The following CADM2 variants were observed in gnomAD, a reference collection of about 807,000 sequenced individuals.
CADM2 encodes immunoglobulin superfamily member 4D.
CADM2 carries 12 observed loss-of-function variants against 49.8 expected under a neutral mutation model. The ratio of observed to expected loss-of-function variants is 0.24; its 90% CI spans 0.15 to 0.39. The LOEUF (loss-of-function observed/expected upper bound fraction) is 0.39, where lower values mean the gene tolerates loss of function less well. Ranked by LOEUF, CADM2 falls within the 10% of genes least tolerant of loss-of-function variation. CADM2 has a pLI of 1.00. For synonymous variants in CADM2, 214 were observed against 175.4 expected, an observed-to-expected ratio of 1.22 and a Z score of -1.74; for missense variants, 378 against 492.3, an observed-to-expected ratio of 0.77 and a Z score of 2.20.
rs1739504817 is a variant in CADM2, at chr3:86,067,916, G to A, written c.*1133G>A. ...TGGAAGCACAATGTTATAAGGAAAG[G>A]TAATTTTAAGCTAACAACCAGTGCA... On this transcript the variant is annotated 3_prime_UTR_variant, in exon 10 of 10. Transcript: ENST00000383699. 1 of 152,384 alleles carries A rather than the reference G, an allele frequency of 6.6e-6. No individual in the cohort carries two copies. Among genetic ancestry groups the A allele is most frequent in the South Asian group, 2.1e-4 (1 of 4,834 alleles). 9.4% of individuals were successfully genotyped at this position (152,384 alleles called of 1,614,324 possible). A position where few individuals can be genotyped will look rare whatever the true frequency, so the allele number is the denominator to read the frequency against.
intron 1 of CADM2, among the ~76,000 whole-genome samples, chr3:85,469,346 G>A (rs1322052853): frequency 6.6e-6 from 1 of 152,148 alleles, no homozygotes; most frequent in Non-Finnish European, 1.5e-5. Context: ...AGTAATGCAA[G>A]GGAGCTGGAG....
At chr3:85,257,726 G>T (rs2042921514) in intron 1 of CADM2, among the ~76,000 whole-genome samples, 1 of 152,024 alleles carries the variant, frequency 6.6e-6, no homozygotes, top group Admixed American at 6.6e-5. Context: ...TTCTTCACTG[G>T]TGATATCTCA....
At chr3:85,751,166 G>A (rs1206992404) in intron 2 of CADM2, among the ~76,000 whole-genome samples, 2 of 152,002 alleles carry the variant, frequency 1.3e-5, no homozygotes, top group African/African-American at 4.8e-5. Context: ...GGGCAATGGT[G>A]GTGGAGGTGA....
intron 2 of CADM2, among the ~76,000 whole-genome samples, chr3:85,763,274 C>T (rs2069486085): frequency 6.6e-6 from 1 of 152,124 alleles, no homozygotes; most frequent in African/African-American, 2.4e-5. Flanking sequence ...TATTTGGTAT[C>T]CCATGCTAAC....
In CADM2 at chr3:85,820,668, A is replaced by T. The variant is rs189679756; in HGVS notation, c.238+18472A>T. On this transcript the variant is annotated intron_variant, in intron 3 of 9. Transcript: ENST00000383699. ...GGGAAGGTTTGGATTTGTCCTTTTG[A>T]GCTTATTAAACATACAAGAGGAGAT... Among the ~76,000 whole-genome samples, 1,021 of 152,210 alleles carry T rather than the reference A, an allele frequency of 6.7e-3. 7 individuals carry two copies. Among genetic ancestry groups the T allele is most frequent in the Middle Eastern group, 0.027 (8 of 294 alleles).
chr3:85,896,838 G>C (rs1175813811), intron 5 of CADM2, among the ~76,000 whole-genome samples: 1 of 152,160 alleles, frequency 6.6e-6, no homozygotes, highest in Non-Finnish European at 1.5e-5. Flanking sequence ...ATTTCTGAAT[G>C]CTGTGCTTCT....
At chr3:85,099,077 G>A (rs981171539) in intron 1 of CADM2, among the ~76,000 whole-genome samples, 1 of 152,110 alleles carries the variant, frequency 6.6e-6, no homozygotes, top group Non-Finnish European at 1.5e-5. Context: ...ATAGAACAGA[G>A]AATGTATACA....
intron 1 of CADM2, among the ~76,000 whole-genome samples, chr3:85,394,200 C>A (rs1471016310): frequency 2.6e-5 from 4 of 152,084 alleles, no homozygotes; most frequent in South Asian, 2.1e-4. Context: ...CTCGGTTATT[C>A]TTTTATAGTT....
intron 2 of CADM2, among the ~76,000 whole-genome samples, chr3:85,744,518 AT>A (rs960910017): frequency 3.3e-4 from 50 of 151,718 alleles, no homozygotes; most frequent in Non-Finnish European, 5.1e-4. Context: ...AAATAAAAAA[AT>A]ATAAAGATAA....
intron 1 of CADM2, among the ~76,000 whole-genome samples, chr3:85,668,426 G>C (rs1306385917): frequency 6.6e-6 from 1 of 151,708 alleles, no homozygotes. Flanking sequence ...GTTTATGATT[G>C]ATATGGTTTG....
At chr3:85,979,729 G>C (rs1727242795) in intron 8 of CADM2, among the ~76,000 whole-genome samples, 1 of 151,456 alleles carries the variant, frequency 6.6e-6, no homozygotes, top group Non-Finnish European at 1.5e-5. Context: ...TTCTAAAATT[G>C]ACATAGTCCA....
intron 3 of CADM2, among the ~76,000 whole-genome samples, chr3:85,862,140 A>G (rs1481779428): frequency 6.6e-6 from 1 of 152,060 alleles, no homozygotes; most frequent in African/African-American, 2.4e-5. Flanking sequence ...TATTCTCAAA[A>G]CTTTCTTTAG....
intron 1 of CADM2, among the ~76,000 whole-genome samples, chr3:85,229,817 T>A (rs578103804): frequency 3.7e-4 from 57 of 152,306 alleles, no homozygotes; most frequent in African/African-American, 1.3e-3. Context: ...TTCATAGCCT[T>A]TCTTGGCTCC....
intron 8 of CADM2, chr3:85,994,576 G>A (rs1200772932): frequency 6.6e-6 from 1 of 152,150 alleles, no homozygotes; most frequent in African/African-American, 2.4e-5. Flanking sequence ...CTTTCAGCAT[G>A]CCTTCCTCAC....
chr3:85,489,423 A>AC lies in CADM2; in HGVS notation c.62-237098dup, dbSNP rs1312996084. On this transcript the variant is annotated intron_variant, in intron 1 of 9. Coordinates refer to ENST00000383699, the MANE Select transcript of CADM2 (RefSeq NM_001167675.2). The stretch of plus-strand genomic sequence containing the variant: ...TTCTGTAAATATATGGTAAGGTATT[A>AC]CAAGTTTTCATTTAATATATTTATA... Among the ~76,000 whole-genome samples, 9 of 152,298 alleles carry AC rather than the reference A, an allele frequency of 5.9e-5. No individual in the cohort carries two copies. In the East Asian group the frequency reaches 1.7e-3, roughly 29 times the overall value.
rs1259783723 is a variant in CADM2 at position 85,545,875 on chromosome 3, TCA to T, written c.62-180646_62-180645del. ...ACCAGAACTTCTGCTTTATATGATC[TCA>T]GTTTACCAGAGATCTAAATTTTGGT... On this transcript the variant is annotated intron_variant, in intron 1 of 9. Coordinates refer to ENST00000383699, the MANE Select transcript of CADM2 (RefSeq NM_001167675.2). Among the ~76,000 whole-genome samples, 3 of 152,300 alleles carry T rather than the reference TCA, an allele frequency of 2.0e-5. No individual in the cohort carries two copies. The South Asian group carries it at 6.2e-4, about 32-fold the overall frequency.
intron 3 of CADM2, among the ~76,000 whole-genome samples, chr3:85,838,771 T>A (rs1365014921): frequency 6.7e-6 from 1 of 150,222 alleles, no homozygotes; most frequent in Non-Finnish European, 1.5e-5. Context: ...AGTCATAGAT[T>A]GATTTTATTT....
intron 1 of CADM2, among the ~76,000 whole-genome samples, chr3:85,008,591 A>T (rs1002273873): frequency 1.3e-5 from 2 of 152,124 alleles, no homozygotes; most frequent in African/African-American, 4.8e-5. Context: ...AACGGAGAAG[A>T]GACAGAAGTA....
intron 1 of CADM2, among the ~76,000 whole-genome samples, chr3:85,580,271 A>C (rs1252130273): frequency 6.6e-6 from 1 of 152,216 alleles, no homozygotes; most frequent in Non-Finnish European, 1.5e-5. Flanking sequence ...TATCTTCAAC[A>C]GAATGTATCA....
Sources: gnomAD v4.1 joint callset for allele counts (sites outside exome capture counted in the v4.1 genomes callset) on GRCh38, gnomAD v4.1.1 for gene constraint, MANE v1.5 for transcripts, NCBI Gene and HGNC (gene_info 2026-07-23, HGNC 2026-07-21) for gene names.